Variants in HIRA observed in about 807,000 individuals in gnomAD.
The protein encoded by HIRA is protein HIRA.
Under a neutral mutation model 126.6 loss-of-function variants are expected in HIRA, and 13 were observed. That is an observed-to-expected ratio of 0.10 (90% CI 0.07 to 0.16). HIRA has a LOEUF of 0.16. Ranked by LOEUF, HIRA falls within the 10% of genes least tolerant of loss-of-function variation. HIRA has a pLI of 1.00. For synonymous variants in HIRA, 511 were observed against 520.0 expected (o/e 0.98, Z 0.24); for missense variants, 834 against 1,314.4 (o/e 0.63, Z 5.65).
intron 2 of HIRA, among the ~76,000 whole-genome samples, chr22:19,409,899 T>C (rs895139501): frequency 2.0e-5 from 3 of 151,530 alleles, no homozygotes; most frequent in Admixed American, 6.6e-5. Context: ...AAGGCTTCCC[T>C]GCCCACAGCT....
intron 24 of HIRA, among the ~76,000 whole-genome samples, chr22:19,343,572 A>G (rs2088654703): frequency 6.6e-6 from 1 of 152,056 alleles, no homozygotes; most frequent in Admixed American, 6.6e-5. Flanking sequence ...CCAAAAATCT[A>G]CAACATCGTG....
chr22:19,359,488 G>T lies in HIRA; in HGVS notation c.2086-4C>A. Reference sequence around the variant, plus strand: ...ACATGGAAGGATCGGAGCTGACCTGGATGAAGTAAACACACGGGTCTGCTC... The same window carrying T: ...ACATGGAAGGATCGGAGCTGACCTGTATGAAGTAAACACACGGGTCTGCTC... On this transcript the variant is annotated splice_polypyrimidine_tract_variant and splice_region_variant and intron_variant, in intron 17 of 24. Coordinates refer to ENST00000263208, the MANE Select transcript of HIRA (RefSeq NM_003325.4). 5.6e-6 allele frequency: 9 copies of T among 1,599,378 alleles called. No homozygotes were observed. Among genetic ancestry groups the T allele is most frequent in the Non-Finnish European group, 7.7e-6 (9 of 1,173,160 alleles).
chr22:19,411,323 A>G (rs917031346), intron 1 of HIRA, among the ~76,000 whole-genome samples: 1 of 152,210 alleles, frequency 6.6e-6, no homozygotes, highest in African/African-American at 2.4e-5. Flanking sequence ...ATGTTAAATT[A>G]GCTGTTCAAT....
intron 24 of HIRA, among the ~76,000 whole-genome samples, chr22:19,334,119 C>T (rs568511224): frequency 5.3e-5 from 8 of 151,808 alleles, no homozygotes; most frequent in African/African-American, 1.7e-4. Context: ...GGACTACAGG[C>T]GCCGGCCAGC....
At chr22:19,385,915 T>C (rs2089122725) in intron 11 of HIRA, among the ~76,000 whole-genome samples, 179 bp from the exon 12 acceptor site, 1 of 152,216 alleles carries the variant, frequency 6.6e-6, no homozygotes, top group African/African-American at 2.4e-5. Flanking sequence ...GCTCTGTTGA[T>C]GTCTCATGCC....
In HIRA at chr22:19,428,413, T is replaced by C. The variant is rs150052517; in HGVS notation, c.37+3027A>G. ...AGGATACTAGAAACATTCTATAACA[T>C]AGATGACAATCACACAATTTTATGG... On this transcript the variant is annotated intron_variant, in intron 1 of 24. Coordinates refer to ENST00000263208, the MANE Select transcript of HIRA (RefSeq NM_003325.4). 2.0e-3 allele frequency among the ~76,000 whole-genome samples: 303 copies of C among 152,306 alleles called. 1 individual carries two copies. The highest frequency in any genetic ancestry group is 3.3e-3 in the Non-Finnish European group (226 of 68,020).
chr22:19,408,074 A>T (rs1447523160), intron 3 of HIRA, among the ~76,000 whole-genome samples: 2 of 152,186 alleles, frequency 1.3e-5, no homozygotes, highest in East Asian at 3.8e-4. Flanking sequence ...CTACAGCAGG[A>T]AAGGAAACCA....
intron 24 of HIRA, among the ~76,000 whole-genome samples, chr22:19,349,215 C>T (rs1406419512): frequency 6.6e-6 from 1 of 152,138 alleles, no homozygotes; most frequent in Non-Finnish European, 1.5e-5. Context: ...AGCGATTCTC[C>T]TGCCTCAGCC....
At chr22:19,389,322 T>C (rs1404410807) in intron 9 of HIRA, among the ~76,000 whole-genome samples, 1 of 152,120 alleles carries the variant, frequency 6.6e-6, no homozygotes, top group Non-Finnish European at 1.5e-5. Flanking sequence ...GACTCCACGT[T>C]CCCACAACTA....
At chr22:19,395,632 C>T (rs959509039) in intron 7 of HIRA, among the ~76,000 whole-genome samples, 2 of 152,208 alleles carry the variant, frequency 1.3e-5, no homozygotes, top group East Asian at 1.9e-4. Context: ...TGGGCAAATG[C>T]GTGCTCTTCC....
At chr22:19,408,386 C>T (rs1271878592) in intron 3 of HIRA, 97 bp downstream of exon 3, 23 of 755,102 alleles carry the variant, frequency 3.0e-5, no homozygotes, top group East Asian at 1.0e-4. Flanking sequence ...GGGGAGTTAC[C>T]GCCGCACGGG....
chr22:19,430,184 T>A (rs2089520287), intron 1 of HIRA: 1 of 152,112 alleles, frequency 6.6e-6, no homozygotes, highest in African/African-American at 2.4e-5. Context: ...GTCCCTACCC[T>A]GGGGGCATAT....
intron 15 of HIRA, among the ~76,000 whole-genome samples, chr22:19,375,407 G>A (rs112519843): frequency 1.3e-5 from 2 of 152,232 alleles, no homozygotes; most frequent in Admixed American, 6.5e-5. Context: ...TTCTTTTGCC[G>A]CGTCCTCCCC....
chr22:19,406,562 C>A (rs117220897), intron 4 of HIRA, among the ~76,000 whole-genome samples: 2 of 152,274 alleles, frequency 1.3e-5, no homozygotes, highest in East Asian at 3.9e-4. Flanking sequence ...GAGCTCATCA[C>A]AAATCCACAG....
intron 17 of HIRA, 134 bp downstream of exon 17, chr22:19,361,103 C>G (rs2088859250): frequency 5.6e-6 from 4 of 710,612 alleles, no homozygotes; most frequent in Admixed American, 4.6e-5. Context: ...TCTGCTATGA[C>G]TTCTCCCAGA....
intron 5 of HIRA, among the ~76,000 whole-genome samples, chr22:19,400,701 T>C (rs968086850): frequency 6.6e-6 from 1 of 152,146 alleles, no homozygotes; most frequent in African/African-American, 2.4e-5. Context: ...AGATTTACAT[T>C]TCTGGCCACT....
chr22:19,369,423 A>G (rs1473138334), intron 15 of HIRA, among the ~76,000 whole-genome samples: 1 of 152,152 alleles, frequency 6.6e-6, no homozygotes. Context: ...GGACCAAGAT[A>G]CGGCTTTACA....
chr22:19,423,390 T>A (rs965253456), intron 1 of HIRA, among the ~76,000 whole-genome samples: 2 of 151,972 alleles, frequency 1.3e-5, no homozygotes, highest in Non-Finnish European at 2.9e-5. Context: ...CCAGGATGCA[T>A]AACAGGCTGC....
intron 5 of HIRA, among the ~76,000 whole-genome samples, chr22:19,405,088 G>A (rs955389750): frequency 3.3e-5 from 5 of 152,134 alleles, no homozygotes; most frequent in Admixed American, 3.3e-4. Context: ...TGGCATACCT[G>A]ACCAGCCTCA....
Sources: gnomAD v4.1 joint callset for allele counts (sites outside exome capture counted in the v4.1 genomes callset) on GRCh38, gnomAD v4.1.1 for gene constraint, MANE v1.5 for transcripts, NCBI Gene and HGNC (gene_info 2026-07-23, HGNC 2026-07-21) for gene names.